ANKFN1: variants seen among roughly 807,000 people sequenced by gnomAD.
The protein encoded by ANKFN1 is ankyrin repeat and fibronectin type-III domain-containing protein 1.
ANKFN1 carries 74 observed loss-of-function variants against 108.7 expected under a neutral mutation model. The observed-to-expected ratio is 0.68, with a 90% CI of 0.56 to 0.83. The LOEUF is 0.83. Ranked by LOEUF, ANKFN1 falls within the 40% of genes least tolerant of loss-of-function variation. ANKFN1 has a pLI of 0.00. For synonymous variants in ANKFN1, 547 were observed against 516.2 expected (o/e 1.06, Z -0.81); for missense variants, 1,505 against 1,382.3 (o/e 1.09, Z -1.41).
chr17:56,147,575 G>C (rs1908340063), intron 4 of ANKFN1, among the ~76,000 whole-genome samples: 1 of 151,392 alleles, frequency 6.6e-6, no homozygotes, highest in Non-Finnish European at 1.5e-5. Context: ...GATCTCATGA[G>C]AACTAATTCC....
At chr17:56,453,166 A>C (rs1308995004) in intron 11 of ANKFN1, among the ~76,000 whole-genome samples, 1 of 152,046 alleles carries the variant, frequency 6.6e-6, no homozygotes, top group African/African-American at 2.4e-5. Flanking sequence ...TTTCGATTTT[A>C]GTCATTACCT....
chr17:56,371,218 G>A (rs2046803645), intron 6 of ANKFN1, among the ~76,000 whole-genome samples: 1 of 151,956 alleles, frequency 6.6e-6, no homozygotes, highest in Non-Finnish European at 1.5e-5. Context: ...TGACAAATCT[G>A]CAGCAAAACA....
intron 4 of ANKFN1, among the ~76,000 whole-genome samples, chr17:56,132,536 C>T (rs930802877): frequency 7.9e-5 from 12 of 152,076 alleles, no homozygotes; most frequent in African/African-American, 2.2e-4. Flanking sequence ...TTCCTAAAAT[C>T]GGAATATATC....
At chr17:56,131,751 G>T (rs1907295768) in intron 4 of ANKFN1, among the ~76,000 whole-genome samples, 1 of 152,150 alleles carries the variant, frequency 6.6e-6, no homozygotes, top group Non-Finnish European at 1.5e-5. Context: ...TATGGTCAGG[G>T]GTGGTGGCTC....
At chr17:56,080,008 ATGTC>A (rs1905226992) in intron 4 of ANKFN1, among the ~76,000 whole-genome samples, 2 of 152,224 alleles carry the variant, frequency 1.3e-5, no homozygotes, top group South Asian at 2.1e-4. Flanking sequence ...GGAGAGATGA[ATGTC>A]TGAGAAACAA....
intron 6 of ANKFN1, among the ~76,000 whole-genome samples, chr17:56,358,047 G>A (rs1301145987): frequency 6.6e-6 from 1 of 152,080 alleles, no homozygotes; most frequent in Non-Finnish European, 1.5e-5. Context: ...GAAAGCTTTG[G>A]CATGCTCACT....
intron 3 of ANKFN1, 145 bp from the exon 4 acceptor site, chr17:56,326,076 C>A: frequency 7.0e-6 from 8 of 1,135,374 alleles, no homozygotes; most frequent in South Asian, 1.7e-5. Context: ...GAGAATACAC[C>A]TAGCCTCTGA....
chr17:56,431,733 G>C (rs553857494), intron 8 of ANKFN1, among the ~76,000 whole-genome samples: 1 of 152,184 alleles, frequency 6.6e-6, no homozygotes. Flanking sequence ...CTAAATGAAG[G>C]CTCAGCATCT....
At chr17:56,233,672 C>T (rs934224884) in intron 3 of ANKFN1, among the ~76,000 whole-genome samples, 1 of 151,884 alleles carries the variant, frequency 6.6e-6, no homozygotes, top group Admixed American at 6.6e-5. Flanking sequence ...TTTTATGTGG[C>T]CCTTCCAGGT....
chr17:56,062,016 T>TC (rs1349174412), intron 4 of ANKFN1, among the ~76,000 whole-genome samples: 2 of 152,208 alleles, frequency 1.3e-5, no homozygotes, highest in South Asian at 2.1e-4. Flanking sequence ...AGCATGTTAT[T>TC]CAATTTCCAT....
chr17:56,077,864 G>A (rs112339361), intron 4 of ANKFN1, among the ~76,000 whole-genome samples: 1,808 of 152,198 alleles, frequency 0.012, 37 homozygotes, highest in African/African-American at 0.04. Context: ...TCCATTAGCT[G>A]CATGCCACTT....
intron 4 of ANKFN1, among the ~76,000 whole-genome samples, chr17:56,061,572 C>T (rs765526057): frequency 7.2e-5 from 11 of 152,076 alleles, no homozygotes; most frequent in Non-Finnish European, 1.0e-4. Flanking sequence ...CACACCCAGC[C>T]GGTAGTTTGT....
At chr17:56,370,040 C>A (rs1470137721) in intron 6 of ANKFN1, among the ~76,000 whole-genome samples, 1 of 152,074 alleles carries the variant, frequency 6.6e-6, no homozygotes, top group African/African-American at 2.4e-5. Flanking sequence ...TTTGATGCTC[C>A]AAGAAGACAC....
chr17:56,321,431 T>G (rs2045362533), intron 3 of ANKFN1, among the ~76,000 whole-genome samples: 1 of 151,494 alleles, frequency 6.6e-6, no homozygotes, highest in South Asian at 2.1e-4. Flanking sequence ...TAATTTAATT[T>G]TGAGATCCTG....
intron 8 of ANKFN1, among the ~76,000 whole-genome samples, chr17:56,438,311 G>A (rs2048990279): frequency 6.6e-6 from 1 of 152,068 alleles, no homozygotes; most frequent in African/African-American, 2.4e-5. Flanking sequence ...GTTGGAAGAT[G>A]GGGAAAAGAC....
At chr17:56,170,383 C>T (rs1310885173) in intron 1 of ANKFN1, among the ~76,000 whole-genome samples, 2 of 152,098 alleles carry the variant, frequency 1.3e-5, no homozygotes, top group Non-Finnish European at 2.9e-5. Context: ...ACAGAGTCTG[C>T]AGGAGGCAGA....
intron 18 of ANKFN1, among the ~76,000 whole-genome samples, chr17:56,487,289 C>G (rs1269401762): frequency 6.6e-6 from 1 of 152,046 alleles, no homozygotes; most frequent in East Asian, 1.9e-4. Context: ...TTCCTGGGGT[C>G]CTACAAGCAT....
chr17:56,271,354 G>A lies in ANKFN1; in HGVS notation c.53+43397G>A, dbSNP rs576069412. Among the ~76,000 whole-genome samples, 7 of 152,214 alleles carry A rather than the reference G, an allele frequency of 4.6e-5. No homozygotes were observed. The South Asian group carries it at 1.2e-3, about 27-fold the overall frequency. ...CACCAAACTGTAAGCTCCAGGTCGG[G>A]GACCATTCTTCCTTAGATACCACTG... On this transcript the variant is annotated intron_variant, in intron 3 of 20. Coordinates refer to ENST00000682825, the MANE Select transcript of ANKFN1 (RefSeq NM_001370326.1).
chr17:56,494,173 T>C (rs1183120499), intron 19 of ANKFN1, among the ~76,000 whole-genome samples: 1 of 152,122 alleles, frequency 6.6e-6, no homozygotes, highest in Non-Finnish European at 1.5e-5. Flanking sequence ...AGCAGAAAAA[T>C]CTTTAGGATT....
Sources: allele counts gnomAD v4.1 joint callset (sites outside exome capture counted in the v4.1 genomes callset), GRCh38; gene constraint gnomAD v4.1.1; transcripts MANE v1.5; gene names NCBI Gene and HGNC (gene_info 2026-07-23, HGNC 2026-07-21).